The following ENPP3 variants were observed in gnomAD, a reference collection of about 807,000 sequenced individuals.
ENPP3 encodes ectonucleotide pyrophosphatase/phosphodiesterase family member 3.
A neutral mutation model predicts 117.8 loss-of-function variants in ENPP3; 104 were observed. That is an observed-to-expected ratio of 0.88 (90% CI 0.75 to 1.04). ENPP3 has a LOEUF of 1.04. ENPP3 is among the 50% of genes least tolerant of loss of function. ENPP3 has a pLI of 0.00. For missense variants in ENPP3, 1,026 were observed against 1,051.9 expected, an observed-to-expected ratio of 0.98 and a Z score of 0.34; for synonymous variants, 380 against 349.9, an observed-to-expected ratio of 1.09 and a Z score of -0.96.
Position 131,682,968 on chromosome 6 carries a change from T to C in ENPP3, c.1012-86T>C, listed in dbSNP as rs902777498. 4.9e-6 allele frequency: 4 copies of C among 815,812 alleles called. No individual in the cohort carries two copies. In the Admixed American group the frequency reaches 7.6e-5, roughly 15 times the overall value. The allele number at this position is 815,812 out of a possible 1,614,324, so 50.5% of individuals were successfully genotyped here. A position where few individuals can be genotyped will look rare whatever the true frequency, so the allele number is the denominator to read the frequency against. On this transcript the variant is annotated intron_variant, in intron 11 of 24. Coordinates refer to ENST00000357639, the MANE Select transcript of ENPP3 (RefSeq NM_005021.5). ...AAACCAGCAATTTCAGAGATGGAGATGTGTTTAATTTTTACTTCATTAGAT... is the reference window on the plus strand; with the variant it reads ...AAACCAGCAATTTCAGAGATGGAGACGTGTTTAATTTTTACTTCATTAGAT...
rs1778932071 is a variant in ENPP3, at chr6:131,678,907, C to CTCTCTTTCTTTCTTTCTT, written c.1011+970_1011+971insCTTTCTTTCTTTCTTTCT. Among the ~76,000 whole-genome samples the CTCTCTTTCTTTCTTTCTT allele has an allele frequency of 5.6e-5, 4 of 71,762 alleles. 1 individual carries two copies. The South Asian group carries it at 1.9e-3, about 34-fold the overall frequency. The allele number at this position is 71,762 out of a possible 152,430, so 47.1% of individuals were successfully genotyped here. ...CCTTCTTTTCCCTTTCTTTCTTTCT[C>CTCTCTTTCTTTCTTTCTT]TCTTTCTTTCTTTCTTTCTTTCTTT... On this transcript the variant is annotated intron_variant, in intron 11 of 24. Coordinates refer to ENST00000357639, the MANE Select transcript of ENPP3 (RefSeq NM_005021.5).
chr6:131,641,893 G>A (rs1278876337), intron 2 of ENPP3, among the ~76,000 whole-genome samples: 1 of 132,806 alleles, frequency 7.5e-6, no homozygotes, highest in African/African-American at 3.0e-5. Flanking sequence ...CCTGCCCTCA[G>A]GTGATCCTCC....
At position 131,637,368 on chromosome 6, in the gene ENPP3, A is replaced by G. The variant is rs1162176921; in HGVS notation, c.-17A>G. Reference sequence around the variant, plus strand: ...TAATTTATTCTGATAAAACAGGTCTATGCAGCTACCAGGACAATGGAATCT... The same window carrying G: ...TAATTTATTCTGATAAAACAGGTCTGTGCAGCTACCAGGACAATGGAATCT... On this transcript the variant is annotated 5_prime_UTR_variant, in exon 1 of 25. The change abolishes an upstream ATG in the 5' untranslated region. Coordinates refer to ENST00000357639, the MANE Select transcript of ENPP3 (RefSeq NM_005021.5). 2 of 1,558,708 alleles carry G rather than the reference A, an allele frequency of 1.3e-6. No homozygotes were observed. Among genetic ancestry groups the G allele is most frequent in the Non-Finnish European group, 1.7e-6 (2 of 1,146,146 alleles).
At chr6:131,701,993 T>C (rs1779548632) in intron 15 of ENPP3, among the ~76,000 whole-genome samples, 1 of 151,810 alleles carries the variant, frequency 6.6e-6, no homozygotes, top group Non-Finnish European at 1.5e-5. Context: ...AATAAACATG[T>C]CACATATTAA....
chr6:131,693,086 A>G (rs1396699221), intron 14 of ENPP3, among the ~76,000 whole-genome samples: 1 of 145,430 alleles, frequency 6.9e-6, no homozygotes, highest in Non-Finnish European at 1.5e-5. Context: ...ATGGTTATAT[A>G]TTATATATTA....
chr6:131,739,476 G>A (rs556321961), intron 23 of ENPP3, among the ~76,000 whole-genome samples: 10 of 152,210 alleles, frequency 6.6e-5, no homozygotes, highest in South Asian at 2.1e-4. Context: ...GGAAGTGCAC[G>A]GCTGGAGGTG....
chr6:131,695,219 T>G (rs1251915685), intron 15 of ENPP3, among the ~76,000 whole-genome samples: 4 of 152,184 alleles, frequency 2.6e-5, no homozygotes, highest in African/African-American at 9.7e-5. Context: ...TAAATATATG[T>G]CCAAGTTGGG....
intron 5 of ENPP3, among the ~76,000 whole-genome samples, chr6:131,657,380 A>G (rs1778408440): frequency 6.6e-6 from 1 of 152,162 alleles, no homozygotes; most frequent in African/African-American, 2.4e-5. Flanking sequence ...TTCTATCATC[A>G]TACATTCCTG....
At chr6:131,741,936 T>G (rs961057282) in intron 24 of ENPP3, among the ~76,000 whole-genome samples, 4 of 152,202 alleles carry the variant, frequency 2.6e-5, no homozygotes, top group South Asian at 4.2e-4. Flanking sequence ...GTGCTCACAA[T>G]TAGAAATCCA....
chr6:131,642,120 G>A (rs73779845), intron 2 of ENPP3, among the ~76,000 whole-genome samples: 3,569 of 151,956 alleles, frequency 0.023, 138 homozygotes, highest in African/African-American at 0.081. Context: ...AATGGACTTT[G>A]GTAAGTGGAT....
intron 15 of ENPP3, among the ~76,000 whole-genome samples, chr6:131,698,089 G>A (rs1171255843): frequency 6.6e-6 from 1 of 152,064 alleles, no homozygotes; most frequent in African/African-American, 2.4e-5. Context: ...ATAAGATTAG[G>A]GGTATGTGTG....
At chr6:131,646,162 A>C (rs1460874563) in intron 2 of ENPP3, among the ~76,000 whole-genome samples, 1 of 151,976 alleles carries the variant, frequency 6.6e-6, no homozygotes, top group Non-Finnish European at 1.5e-5. Flanking sequence ...TACTTCCCTC[A>C]TATTTTTACT....
chr6:131,683,459 G>C (rs1295063173), intron 12 of ENPP3, among the ~76,000 whole-genome samples: 1 of 152,138 alleles, frequency 6.6e-6, no homozygotes, highest in African/African-American at 2.4e-5. Context: ...AAGTGCTTTG[G>C]GACCTTCTTT....
intron 14 of ENPP3, among the ~76,000 whole-genome samples, chr6:131,692,693 CATATA>C (rs748529879): frequency 9.0e-5 from 13 of 144,254 alleles, no homozygotes; most frequent in South Asian, 4.3e-4. Context: ...ATATATATTA[CATATA>C]ATATATAACC....
intron 22 of ENPP3, 22 bp downstream of exon 22, chr6:131,737,454 T>A: frequency 4.4e-6 from 6 of 1,364,010 alleles, no homozygotes; most frequent in Non-Finnish European, 6.2e-6. Context: ...TTTAGAGTAT[T>A]AATTTTAAAA....
chr6:131,685,971 T>C (rs765271923), intron 14 of ENPP3, 64 bp downstream of exon 14: 49 of 547,416 alleles, frequency 9.0e-5, no homozygotes, highest in Non-Finnish European at 1.4e-4. Context: ...TCTGGGTTTT[T>C]GAGAAATTCA....
At chr6:131,695,808 C>T (rs957675934) in intron 15 of ENPP3, among the ~76,000 whole-genome samples, 4 of 151,686 alleles carry the variant, frequency 2.6e-5, no homozygotes, top group African/African-American at 9.7e-5. Flanking sequence ...CCCAGCTACT[C>T]GGGAGGCTGA....
At position 131,669,731 on chromosome 6, in the gene ENPP3, C is replaced by A. The variant is rs144156357; in HGVS notation, c.563-1517C>A. Reference sequence around the variant, plus strand: ...TTTTGAACTCCCTTTCCTTCTCCTACCTTCCAATCCCCATCAGAGAATCCT... The same window carrying A: ...TTTTGAACTCCCTTTCCTTCTCCTAACTTCCAATCCCCATCAGAGAATCCT... On this transcript the variant is annotated intron_variant, in intron 6 of 24. Coordinates refer to ENST00000357639, the MANE Select transcript of ENPP3 (RefSeq NM_005021.5). 2.6e-4 allele frequency among the ~76,000 whole-genome samples: 39 copies of A among 151,018 alleles called. 1 individual carries two copies. In the East Asian group the frequency reaches 7.4e-3, roughly 29 times the overall value.
At chr6:131,692,350 TAAAG>T (rs947120975) in intron 14 of ENPP3, among the ~76,000 whole-genome samples, 3 of 151,998 alleles carry the variant, frequency 2.0e-5, no homozygotes, top group African/African-American at 7.2e-5. Flanking sequence ...TCATAATTGT[TAAAG>T]AAACAAAATT....
Sources: allele counts gnomAD v4.1 joint callset (sites outside exome capture counted in the v4.1 genomes callset), GRCh38; gene constraint gnomAD v4.1.1; transcripts MANE v1.5; gene names NCBI Gene and HGNC (gene_info 2026-07-23, HGNC 2026-07-21).